The following CDK14 variants were observed in gnomAD, a reference collection of about 807,000 sequenced individuals.
CDK14 encodes the protein cyclin dependent kinase 14.
A neutral mutation model predicts 60.7 loss-of-function variants in CDK14; 34 were observed. The observed-to-expected ratio is 0.56, with a 90% CI of 0.43 to 0.75. The LOEUF (loss-of-function observed/expected upper bound fraction) is 0.75. Ranked by LOEUF, CDK14 falls within the 30% of genes least tolerant of loss-of-function variation. The probability of loss-of-function intolerance (pLI) is 0.00; values close to 1 mark genes in which losing one functional copy is unlikely to be tolerated. For missense variants in CDK14, 482 were observed against 564.1 expected (o/e 0.85, Z 1.47); for synonymous variants, 197 against 203.7 (o/e 0.97, Z 0.28).
At chr7:90,787,437 A>T (rs545832885) in intron 4 of CDK14, among the ~76,000 whole-genome samples, 2 of 152,358 alleles carry the variant, frequency 1.3e-5, no homozygotes, top group East Asian at 3.9e-4. Context: ...AAACATTTAA[A>T]CCTAACATGA....
chr7:91,052,289 T>C (rs978448333), intron 11 of CDK14, among the ~76,000 whole-genome samples: 3 of 152,242 alleles, frequency 2.0e-5, no homozygotes, highest in Admixed American at 2.0e-4. Context: ...GGAAGTAGAT[T>C]CCAGGTCTCC....
At chr7:90,948,053 T>A (rs1245332127) in intron 8 of CDK14, among the ~76,000 whole-genome samples, 1 of 152,346 alleles carries the variant, frequency 6.6e-6, no homozygotes, top group East Asian at 1.9e-4. Flanking sequence ...TACAAACAAA[T>A]GCCTTAAAAG....
intron 2 of CDK14, among the ~76,000 whole-genome samples, chr7:90,643,047 G>A (rs1281820927): frequency 2.0e-5 from 3 of 152,210 alleles, no homozygotes; most frequent in Admixed American, 6.5e-5. Flanking sequence ...ACATGAAGGC[G>A]TCAAGTATGA....
chr7:91,117,401 T>C (rs1342067669), intron 13 of CDK14, among the ~76,000 whole-genome samples: 2 of 151,950 alleles, frequency 1.3e-5, no homozygotes, highest in African/African-American at 4.8e-5. Flanking sequence ...GCTTCTCTTC[T>C]TGCCTCCTTA....
intron 5 of CDK14, among the ~76,000 whole-genome samples, chr7:90,800,867 C>T (rs994907180): frequency 6.6e-6 from 1 of 152,092 alleles, no homozygotes; most frequent in East Asian, 1.9e-4. Flanking sequence ...TTTCCTAGCT[C>T]CTGGTGGCTT....
At chr7:91,097,619 G>C (rs982198888) in intron 12 of CDK14, among the ~76,000 whole-genome samples, 2 of 150,836 alleles carry the variant, frequency 1.3e-5, no homozygotes, top group African/African-American at 4.9e-5. Flanking sequence ...TATAAATATA[G>C]CCTATAGATG....
At chr7:90,936,751 G>A (rs139555486) in intron 8 of CDK14, among the ~76,000 whole-genome samples, 15 of 152,158 alleles carry the variant, frequency 9.9e-5, no homozygotes, top group African/African-American at 3.1e-4. Flanking sequence ...CCTGGTACAC[G>A]AATGCATATG....
intron 5 of CDK14, among the ~76,000 whole-genome samples, chr7:90,795,199 G>C (rs1806009118): frequency 6.6e-6 from 1 of 152,190 alleles, no homozygotes; most frequent in African/African-American, 2.4e-5. Flanking sequence ...AAATTGTATT[G>C]TGTTTTGTTT....
chr7:90,870,385 A>C (rs1165649778), intron 6 of CDK14, among the ~76,000 whole-genome samples: 2 of 152,188 alleles, frequency 1.3e-5, no homozygotes, highest in African/African-American at 4.8e-5. Flanking sequence ...AAAAATAACT[A>C]ATGGATACTA....
intron 6 of CDK14, among the ~76,000 whole-genome samples, chr7:90,893,085 T>C (rs1792188207): frequency 6.6e-6 from 1 of 152,078 alleles, no homozygotes; most frequent in South Asian, 2.1e-4. Flanking sequence ...GGGGCTTGAG[T>C]CTTCAGAGCC....
chr7:91,209,338 C>G lies in CDK14; in HGVS notation c.*2202C>G, dbSNP rs1488744339. The G allele has an allele frequency of 6.6e-6, 1 of 152,162 alleles. No individual in the cohort carries two copies. Among genetic ancestry groups the G allele is most frequent in the Non-Finnish European group, 1.5e-5 (1 of 68,048 alleles). The allele number at this position is 152,162 out of a possible 1,614,324, so 9.4% of individuals were successfully genotyped here. A position where few individuals can be genotyped will look rare whatever the true frequency, so the allele number is the denominator to read the frequency against. On this transcript the variant is annotated 3_prime_UTR_variant, in exon 15 of 15. Coordinates refer to ENST00000380050, the MANE Select transcript of CDK14 (RefSeq NM_001287135.2). ...TACAGAGACATGCCTCTCAGAAGGTCAGGAGGTTTTGAGTACCTATCCTTG... is the reference window on the plus strand; with the variant it reads ...TACAGAGACATGCCTCTCAGAAGGTGAGGAGGTTTTGAGTACCTATCCTTG...
At chr7:90,983,837 A>C (rs62468489) in intron 9 of CDK14, among the ~76,000 whole-genome samples, 4,313 of 152,266 alleles carry the variant, frequency 0.028, 89 homozygotes, top group South Asian at 0.071. Context: ...CAACATAAAA[A>C]GCAACAATAG....
At chr7:91,042,160 G>A (rs747145322) in intron 10 of CDK14, among the ~76,000 whole-genome samples, 31 of 152,184 alleles carry the variant, frequency 2.0e-4, no homozygotes, top group African/African-American at 6.0e-4. Flanking sequence ...AGGGCAGAGC[G>A]TTAGGGAAGA....
At chr7:90,832,834 A>G (rs565176446) in intron 5 of CDK14, among the ~76,000 whole-genome samples, 1 of 152,210 alleles carries the variant, frequency 6.6e-6, no homozygotes, top group Non-Finnish European at 1.5e-5. Flanking sequence ...GTTCTTATAG[A>G]GGAAGTCACT....
chr7:90,693,497 C>T (rs1801596614), intron 2 of CDK14, among the ~76,000 whole-genome samples: 1 of 152,178 alleles, frequency 6.6e-6, no homozygotes, highest in South Asian at 2.1e-4. Flanking sequence ...TTTTGCCTTT[C>T]CTTGTAATAC....
At chr7:90,770,125 C>T (rs1363515210) in intron 4 of CDK14, among the ~76,000 whole-genome samples, 1 of 152,222 alleles carries the variant, frequency 6.6e-6, no homozygotes, top group Non-Finnish European at 1.5e-5. Flanking sequence ...AAGCAGATTG[C>T]TCTATAGAAA....
chr7:90,684,901 CAT>C (rs201176487), intron 2 of CDK14, among the ~76,000 whole-genome samples: 3 of 151,128 alleles, frequency 2.0e-5, no homozygotes, highest in Admixed American at 6.6e-5. Flanking sequence ...CTTTGCCTTT[CAT>C]ATATATATAT....
At chr7:91,010,801 T>TTCC (rs1796131511) in intron 10 of CDK14, among the ~76,000 whole-genome samples, 16 of 86,190 alleles carry the variant, frequency 1.9e-4, no homozygotes, top group East Asian at 7.8e-4. Context: ...TCCTTCCTTC[T>TTCC]TTCCTTCCTT....
chr7:90,848,206 A>T (rs1790531903), intron 5 of CDK14, among the ~76,000 whole-genome samples: 1 of 152,010 alleles, frequency 6.6e-6, no homozygotes, highest in African/African-American at 2.4e-5. Context: ...GGTTGAAGTG[A>T]TCCTCCCACC....
Sources: allele counts gnomAD v4.1 joint callset (sites outside exome capture counted in the v4.1 genomes callset), GRCh38; gene constraint gnomAD v4.1.1; transcripts MANE v1.5; gene names NCBI Gene and HGNC (gene_info 2026-07-23, HGNC 2026-07-21).